Variants in LRRC1 observed in about 807,000 individuals in gnomAD.
The protein encoded by LRRC1 is leucine rich repeat containing 1, also known as leucine-rich repeat-containing protein 1.
Under a neutral mutation model 69.9 loss-of-function variants are expected in LRRC1, and 28 were observed. The observed-to-expected ratio is 0.40, with a 90% CI of 0.30 to 0.55. The LOEUF is 0.55. LRRC1 is among the 20% of genes least tolerant of loss of function. The probability of loss-of-function intolerance (pLI) is 0.47; values close to 1 mark genes in which losing one functional copy is unlikely to be tolerated. For synonymous variants in LRRC1, 236 were observed against 240.2 expected (o/e 0.98, Z 0.16); for missense variants, 498 against 609.0 (o/e 0.82, Z 1.92).
intron 10 of LRRC1, among the ~76,000 whole-genome samples, chr6:53,913,180 A>T (rs1375374307): frequency 6.6e-6 from 1 of 152,168 alleles, no homozygotes; most frequent in Non-Finnish European, 1.5e-5. Flanking sequence ...AGCAGGCTGC[A>T]GCTGAAGAAA....
At chr6:53,803,371 A>T (rs1764541839) in intron 1 of LRRC1, among the ~76,000 whole-genome samples, 1 of 152,048 alleles carries the variant, frequency 6.6e-6, no homozygotes, top group South Asian at 2.1e-4. Flanking sequence ...CTATTTTAGG[A>T]CTCTACCCAG....
chr6:53,894,375 T>A (rs548842218), intron 4 of LRRC1, among the ~76,000 whole-genome samples: 2 of 152,362 alleles, frequency 1.3e-5, no homozygotes, highest in East Asian at 3.9e-4. Context: ...AGGCAGGAGA[T>A]GCTGAGAGCA....
In LRRC1 at chr6:53,918,801, T is replaced by C. The variant is rs73432431; in HGVS notation, c.1107-697T>C. 3.7e-3 allele frequency among the ~76,000 whole-genome samples: 557 copies of C among 152,298 alleles called. 4 individuals are homozygous for C. The highest frequency in any genetic ancestry group is 0.013 in the African/African-American group (540 of 41,566). On this transcript the variant is annotated intron_variant, in intron 11 of 13. Transcript: ENST00000370888. ...ATATTTAGGTGTCACATTATAACAT[T>C]TAAAGTACTTTCATTTATACTACCT...
At chr6:53,823,437 T>G (rs1176100140) in intron 1 of LRRC1, among the ~76,000 whole-genome samples, 2 of 152,206 alleles carry the variant, frequency 1.3e-5, no homozygotes, top group Non-Finnish European at 2.9e-5. Flanking sequence ...CCTGATTTGG[T>G]CAATGCTTCC....
At chr6:53,798,294 C>A (rs1390468638) in intron 1 of LRRC1, among the ~76,000 whole-genome samples, 1 of 152,218 alleles carries the variant, frequency 6.6e-6, no homozygotes, top group African/African-American at 2.4e-5. Flanking sequence ...GCAGTTTGAT[C>A]CTTTTTGGCT....
chr6:53,914,456 G>T (rs1289166978), intron 11 of LRRC1, among the ~76,000 whole-genome samples: 1 of 152,160 alleles, frequency 6.6e-6, no homozygotes, highest in African/African-American at 2.4e-5. Flanking sequence ...ATTTAGGGAA[G>T]TGTTTACAGC....
chr6:53,852,282 A>G (rs1472566452), intron 2 of LRRC1, among the ~76,000 whole-genome samples: 1 of 152,254 alleles, frequency 6.6e-6, no homozygotes, highest in African/African-American at 2.4e-5. Flanking sequence ...CACTCCGTAT[A>G]GATGCTGTAA....
intron 1 of LRRC1, among the ~76,000 whole-genome samples, chr6:53,796,678 G>T (rs140586244): frequency 8.8e-4 from 134 of 152,244 alleles, no homozygotes; most frequent in African/African-American, 3.1e-3. Flanking sequence ...GGTTCATGTG[G>T]AATTGATTGG....
At position 53,902,634 on chromosome 6, in the gene LRRC1, C is replaced by T; in HGVS notation, c.793C>T (p.Leu265=). ...LETIPDGIGK[L]KKLSILKVDQ... Reference sequence around the variant, plus strand: ...TAATCATAATGCTTTTACAGGAAAACTAAAGAAACTGTCAATCTTGAAGGT... The same window carrying T: ...TAATCATAATGCTTTTACAGGAAAATTAAAGAAACTGTCAATCTTGAAGGT... Residue 265 remains leucine, a synonymous_variant, in exon 9 of 14, where the codon CTA becomes TTA. Coordinates refer to ENST00000370888, the MANE Select transcript of LRRC1 (RefSeq NM_018214.5). 6.3e-7 allele frequency: 1 copy of T among 1,576,272 alleles called. No individual in the cohort carries two copies. Among genetic ancestry groups the T allele is most frequent in the Non-Finnish European group, 8.6e-7 (1 of 1,159,382 alleles).
chr6:53,831,827 C>T (rs959208686), intron 1 of LRRC1, among the ~76,000 whole-genome samples: 1 of 152,088 alleles, frequency 6.6e-6, no homozygotes. Context: ...AAACATCAAA[C>T]CTTGGCTAGG....
At chr6:53,915,266 A>C (rs1389939395) in intron 11 of LRRC1, among the ~76,000 whole-genome samples, 5 of 152,132 alleles carry the variant, frequency 3.3e-5, no homozygotes, top group African/African-American at 1.2e-4. Context: ...TTGCTAATGG[A>C]TTATAGACAG....
chr6:53,808,375 A>G (rs1764695714), intron 1 of LRRC1, among the ~76,000 whole-genome samples: 1 of 152,066 alleles, frequency 6.6e-6, no homozygotes, highest in Non-Finnish European at 1.5e-5. Flanking sequence ...TAGGAACTGC[A>G]AAGTACTTGA....
chr6:53,850,934 A>T (rs763287596), intron 2 of LRRC1, among the ~76,000 whole-genome samples: 2 of 152,170 alleles, frequency 1.3e-5, no homozygotes, highest in Non-Finnish European at 2.9e-5. Flanking sequence ...AACTATGCCA[A>T]CAAGGTAGTG....
At chr6:53,811,733 T>C (rs1403112705) in intron 1 of LRRC1, among the ~76,000 whole-genome samples, 1 of 152,220 alleles carries the variant, frequency 6.6e-6, no homozygotes, top group Admixed American at 6.5e-5. Flanking sequence ...AAACTAAGGC[T>C]GAGCACTTTG....
chr6:53,849,994 A>G (rs1172511115), intron 2 of LRRC1, among the ~76,000 whole-genome samples: 2 of 152,132 alleles, frequency 1.3e-5, no homozygotes, highest in African/African-American at 4.8e-5. Context: ...TTTCAGTTTG[A>G]AAAAGCCTAA....
intron 1 of LRRC1, among the ~76,000 whole-genome samples, chr6:53,838,390 A>G (rs9382243): frequency 0.2 from 30,918 of 152,134 alleles, 3,892 homozygotes; most frequent in East Asian, 0.59. Flanking sequence ...TATGACTTCT[A>G]TTGGATGTGA....
At chr6:53,874,780 A>G (rs762295136) in intron 2 of LRRC1, among the ~76,000 whole-genome samples, 1 of 152,236 alleles carries the variant, frequency 6.6e-6, no homozygotes, top group Non-Finnish European at 1.5e-5. Flanking sequence ...CAATGTTAAT[A>G]TGTCCAAAAT....
chr6:53,843,885 C>A (rs1452249321), intron 2 of LRRC1, among the ~76,000 whole-genome samples: 3 of 152,160 alleles, frequency 2.0e-5, no homozygotes, highest in Non-Finnish European at 4.4e-5. Context: ...CCTGCTGCAG[C>A]ATTTGTTTGC....
chr6:53,814,323 A>G lies in LRRC1; in HGVS notation c.159+18908A>G, dbSNP rs1581848089. ...AAAAGGTGCTTACACATACAAATGC[A>G]TATTTTGCCCTTAAATTAATCACTC... On this transcript the variant is annotated intron_variant, in intron 1 of 13. Coordinates refer to ENST00000370888, the MANE Select transcript of LRRC1 (RefSeq NM_018214.5). 2.6e-5 allele frequency among the ~76,000 whole-genome samples: 4 copies of G among 152,350 alleles called. No individual in the cohort carries two copies. The South Asian group carries it at 8.3e-4, about 32-fold the overall frequency.
Sources: gnomAD v4.1 joint callset for allele counts (sites outside exome capture counted in the v4.1 genomes callset) on GRCh38, gnomAD v4.1.1 for gene constraint, MANE v1.5 for transcripts, NCBI Gene and HGNC (gene_info 2026-07-23, HGNC 2026-07-21) for gene names.